Variants in CDH18 observed in about 807,000 individuals in gnomAD.
CDH18 encodes cadherin-18.
Under a neutral mutation model 67.9 loss-of-function variants are expected in CDH18, and 31 were observed. The ratio of observed to expected loss-of-function variants is 0.46; its 90% CI spans 0.34 to 0.62. CDH18 has a LOEUF of 0.62. Ranked by LOEUF, CDH18 falls within the 20% of genes least tolerant of loss-of-function variation. The pLI is 0.01. For synonymous variants in CDH18, 362 were observed against 347.2 expected, an observed-to-expected ratio of 1.04 and a Z score of -0.48; for missense variants, 890 against 975.5, an observed-to-expected ratio of 0.91 and a Z score of 1.17.
At chr5:19,496,558 ATTCCAGGATTT>A (rs1214781502) in intron 11 of CDH18, among the ~76,000 whole-genome samples, 1 of 152,102 alleles carries the variant, frequency 6.6e-6, no homozygotes, top group Non-Finnish European at 1.5e-5. Context: ...CACACCTGTA[ATTCCAGGATTT>A]TGGGAGGCCA....
intron 2 of CDH18, among the ~76,000 whole-genome samples, chr5:20,169,661 C>G (rs1276969849): frequency 6.6e-6 from 1 of 152,212 alleles, no homozygotes; most frequent in Non-Finnish European, 1.5e-5. Context: ...TGGCCTCATG[C>G]AATTTATACA....
chr5:20,184,384 T>A (rs747915349), intron 2 of CDH18, among the ~76,000 whole-genome samples: 1 of 152,122 alleles, frequency 6.6e-6, no homozygotes, highest in South Asian at 2.1e-4. Context: ...TCTCTTACAA[T>A]GCAGCTCTGA....
intron 1 of CDH18, among the ~76,000 whole-genome samples, chr5:20,327,504 C>T (rs940564388): frequency 1.3e-5 from 2 of 151,908 alleles, no homozygotes; most frequent in African/African-American, 2.4e-5. Context: ...CCTTTAAATA[C>T]CGAAGTTCAC....
chr5:19,973,966 C>G (rs1911838), intron 2 of CDH18, among the ~76,000 whole-genome samples: 91,852 of 151,858 alleles, frequency 0.6, 28,177 homozygotes, highest in Middle Eastern at 0.72. Flanking sequence ...ATGAATATAT[C>G]AATGATTCGA....
intron 2 of CDH18, among the ~76,000 whole-genome samples, chr5:19,845,002 C>G (rs560087986): frequency 1.8e-4 from 27 of 152,222 alleles, no homozygotes; most frequent in Admixed American, 7.2e-4. Context: ...CTGTACATTA[C>G]ATGAATAAAA....
intron 2 of CDH18, among the ~76,000 whole-genome samples, chr5:20,127,081 A>G (rs1396178098): frequency 6.6e-6 from 1 of 152,118 alleles, no homozygotes; most frequent in Non-Finnish European, 1.5e-5. Flanking sequence ...TGCAATCCCC[A>G]ATGTGGAGAA....
At chr5:20,005,619 C>T (rs1276616520) in intron 2 of CDH18, among the ~76,000 whole-genome samples, 1 of 151,614 alleles carries the variant, frequency 6.6e-6, no homozygotes, top group East Asian at 1.9e-4. Context: ...CATATGCATA[C>T]ACACACATAT....
At chr5:20,462,696 ATT>A (rs1447935055) in intron 1 of CDH18, among the ~76,000 whole-genome samples, 1 of 152,154 alleles carries the variant, frequency 6.6e-6, no homozygotes, top group Non-Finnish European at 1.5e-5. Flanking sequence ...CTGTTAAAGA[ATT>A]TTGTTTGCAT....
chr5:20,464,064 A>G (rs1283382155), intron 1 of CDH18, among the ~76,000 whole-genome samples: 3 of 152,080 alleles, frequency 2.0e-5, no homozygotes, highest in African/African-American at 4.8e-5. Flanking sequence ...GTACTATTTA[A>G]TCCAGTTTAA....
At chr5:20,415,437 T>G (rs1189671498) in intron 1 of CDH18, among the ~76,000 whole-genome samples, 2 of 152,072 alleles carry the variant, frequency 1.3e-5, no homozygotes, top group African/African-American at 4.8e-5. Flanking sequence ...TATCATTCAA[T>G]GTAGTACATA....
intron 2 of CDH18, among the ~76,000 whole-genome samples, chr5:19,850,140 G>A (rs1441359873): frequency 1.3e-5 from 2 of 151,782 alleles, no homozygotes; most frequent in African/African-American, 4.8e-5. Context: ...ATTATATGAA[G>A]TGAAAGAAGA....
At chr5:19,945,756 G>T (rs1231582686) in intron 2 of CDH18, among the ~76,000 whole-genome samples, 1 of 152,056 alleles carries the variant, frequency 6.6e-6, no homozygotes, top group Non-Finnish European at 1.5e-5. Context: ...CTTAGAAGTG[G>T]TGGAAATGAT....
intron 2 of CDH18, among the ~76,000 whole-genome samples, chr5:19,853,278 C>T (rs571444856): frequency 6.6e-6 from 1 of 152,164 alleles, no homozygotes; most frequent in South Asian, 2.1e-4. Flanking sequence ...TGTTCTCGGG[C>T]AGAGACAGAG....
chr5:20,019,755 C>T (rs1302560798), intron 2 of CDH18, among the ~76,000 whole-genome samples: 1 of 152,114 alleles, frequency 6.6e-6, no homozygotes, highest in South Asian at 2.1e-4. Context: ...TGAACCAACA[C>T]AGAAAATTGG....
At chr5:20,346,676 C>T (rs1283514195) in intron 1 of CDH18, among the ~76,000 whole-genome samples, 1 of 152,102 alleles carries the variant, frequency 6.6e-6, no homozygotes, top group Non-Finnish European at 1.5e-5. Flanking sequence ...ACAAATATGC[C>T]AGTATCTACT....
chr5:19,528,129 T>C (rs1222464408), intron 9 of CDH18, among the ~76,000 whole-genome samples: 1 of 151,846 alleles, frequency 6.6e-6, no homozygotes, highest in Non-Finnish European at 1.5e-5. Flanking sequence ...CCCACTCAAT[T>C]ATATAAGAAA....
intron 2 of CDH18, among the ~76,000 whole-genome samples, chr5:20,012,763 T>C (rs1353539277): frequency 6.6e-6 from 1 of 151,994 alleles, no homozygotes; most frequent in Non-Finnish European, 1.5e-5. Flanking sequence ...GGGACATGCA[T>C]GGAGCTAAAG....
intron 2 of CDH18, among the ~76,000 whole-genome samples, chr5:20,219,363 C>T (rs1309401785): frequency 6.6e-6 from 1 of 151,676 alleles, no homozygotes; most frequent in Non-Finnish European, 1.5e-5. Flanking sequence ...AAGCTTGGGA[C>T]ACAATGTCAA....
chr5:20,003,766 C>T lies in CDH18; in HGVS notation c.-517-11752G>A, dbSNP rs112430077. ...ACAAAAAATTAGCCGGGCGTGGTGGCGGGCGCCTGTAGTCCCAGCTACTCG... is the reference window on the plus strand; with the variant it reads ...ACAAAAAATTAGCCGGGCGTGGTGGTGGGCGCCTGTAGTCCCAGCTACTCG... On this transcript the variant is annotated intron_variant, in intron 2 of 14. Coordinates refer to the CDH18 transcript ENST00000507958. Among the ~76,000 whole-genome samples the T allele has an allele frequency of 0.018, 2,793 of 152,058 alleles. 171 individuals are homozygous for T. The East Asian group carries it at 0.25, about 13-fold the overall frequency.
Sources: gnomAD v4.1 joint callset for allele counts (sites outside exome capture counted in the v4.1 genomes callset) on GRCh38, gnomAD v4.1.1 for gene constraint, MANE v1.5 for transcripts, NCBI Gene and HGNC (gene_info 2026-07-23, HGNC 2026-07-21) for gene names.